The following AFTPH variants were observed in gnomAD, a reference collection of about 807,000 sequenced individuals.
AFTPH encodes aftiphilin protein.
In AFTPH, 7 loss-of-function variants were observed where a neutral mutation model predicts 72.5. The ratio of observed to expected loss-of-function variants is 0.10; its 90% CI spans 0.05 to 0.18. AFTPH has a LOEUF of 0.18. AFTPH is among the 10% of genes least tolerant of loss of function. The pLI, the probability that AFTPH is intolerant of heterozygous loss-of-function variation, is 1.00. For synonymous variants in AFTPH, 337 were observed against 370.1 expected (o/e 0.91, Z 1.03); for missense variants, 979 against 1,060.5 (o/e 0.92, Z 1.07).
chr2:64,550,441 G>C (rs1444397775), intron 1 of AFTPH, among the ~76,000 whole-genome samples: 1 of 152,166 alleles, frequency 6.6e-6, no homozygotes, highest in Non-Finnish European at 1.5e-5. Context: ...ATTAGGCTGA[G>C]GGAAAAAGCC....
chr2:64,543,033 G>C (rs1406182460), intron 1 of AFTPH, among the ~76,000 whole-genome samples: 1 of 152,222 alleles, frequency 6.6e-6, no homozygotes, highest in Non-Finnish European at 1.5e-5. Context: ...GGGAATCACA[G>C]TTTCTCCACA....
At chr2:64,552,585 G>A (rs1671115569) in exon 2 of AFTPH, 3 of 1,614,140 alleles carry the variant, frequency 1.9e-6, no homozygotes, top group African/African-American at 2.7e-5. Context: ...CCTATGCATG[G>A]ATTCTGTTAA....
At chr2:64,554,087 T>A (rs1671215872) in intron 2 of AFTPH, among the ~76,000 whole-genome samples, 1 of 152,216 alleles carries the variant, frequency 6.6e-6, no homozygotes, top group South Asian at 2.1e-4. Flanking sequence ...GTTCACTTAT[T>A]GTAGTTGTAT....
In AFTPH at chr2:64,542,018, C is replaced by T. The variant is rs556190757; in HGVS notation, c.-32-9425C>T. 1.6e-4 allele frequency among the ~76,000 whole-genome samples: 24 copies of T among 152,276 alleles called. No individual in the cohort carries two copies. In the East Asian group the frequency reaches 4.2e-3, roughly 27 times the overall value. Reference sequence around the variant, plus strand: ...TTTCCTTCACCCTCCATCCTGGTCCCTATAAAAATAAGTTTAGAGTGAAGC... The same window carrying T: ...TTTCCTTCACCCTCCATCCTGGTCCTTATAAAAATAAGTTTAGAGTGAAGC... On this transcript the variant is annotated intron_variant, in intron 1 of 8. Coordinates refer to ENST00000238856, the Ensembl canonical transcript of AFTPH.
intron 1 of AFTPH, among the ~76,000 whole-genome samples, chr2:64,536,780 C>A (rs1669914826): frequency 6.6e-6 from 1 of 151,486 alleles, no homozygotes; most frequent in African/African-American, 2.4e-5. Flanking sequence ...TGGCGAAACA[C>A]TGTCTCTACA....
chr2:64,581,097 A>G, intron 7 of AFTPH, 93 bp from the exon 8 acceptor site: 1 of 736,156 alleles, frequency 1.4e-6, no homozygotes. Context: ...CTGCATGTTC[A>G]AGTGTGTGTC....
intron 8 of AFTPH, among the ~76,000 whole-genome samples, chr2:64,591,221 A>G (rs572347051): frequency 6.6e-5 from 10 of 152,172 alleles, no homozygotes; most frequent in East Asian, 1.9e-4. Flanking sequence ...AGCAAAATCT[A>G]CTTCATCTAC....
chr2:64,561,073 G>C (rs532776994), intron 2 of AFTPH, among the ~76,000 whole-genome samples: 1 of 152,324 alleles, frequency 6.6e-6, no homozygotes, highest in Admixed American at 6.5e-5. Flanking sequence ...TGTGTAAGTA[G>C]CATAGCTCCT....
At chr2:64,566,600 C>T (rs1672105448) in intron 2 of AFTPH, among the ~76,000 whole-genome samples, 1 of 151,674 alleles carries the variant, frequency 6.6e-6, no homozygotes, top group Non-Finnish European at 1.5e-5. Flanking sequence ...ATTTGTATTC[C>T]CAGTTGATGT....
intron 1 of AFTPH, among the ~76,000 whole-genome samples, chr2:64,528,200 G>A (rs1487927284): frequency 6.6e-6 from 1 of 152,142 alleles, no homozygotes; most frequent in Non-Finnish European, 1.5e-5. Flanking sequence ...ATTTACTGTA[G>A]GTTCTATTTA....
chr2:64,582,685 T>C (rs566792196), intron 7 of AFTPH, among the ~76,000 whole-genome samples: 13 of 152,378 alleles, frequency 8.5e-5, no homozygotes, highest in Admixed American at 5.2e-4. Context: ...CCAAGAATTA[T>C]TAAGCTCCCA....
chr2:64,555,008 G>T (rs886957726), intron 2 of AFTPH, among the ~76,000 whole-genome samples: 1 of 152,158 alleles, frequency 6.6e-6, no homozygotes, highest in African/African-American at 2.4e-5. Context: ...AGATAATAAA[G>T]CGTATGGGCT....
intron 8 of AFTPH, among the ~76,000 whole-genome samples, chr2:64,587,997 A>G (rs935630667): frequency 1.3e-5 from 2 of 152,120 alleles, no homozygotes; most frequent in Admixed American, 6.5e-5. Flanking sequence ...CAGGTGTTCA[A>G]TTCACTGGTT....
intron 5 of AFTPH, among the ~76,000 whole-genome samples, chr2:64,572,724 G>A (rs1672517437): frequency 6.6e-6 from 1 of 151,960 alleles, no homozygotes; most frequent in South Asian, 2.1e-4. Context: ...TGGGTGTGGT[G>A]GCATCAGCTT....
intron 1 of AFTPH, among the ~76,000 whole-genome samples, chr2:64,550,732 A>ACAC (rs1558605124): frequency 7.5e-5 from 8 of 106,890 alleles, no homozygotes; most frequent in South Asian, 3.0e-4. Flanking sequence ...CACACACACA[A>ACAC]CTGGTGAAAT....
At chr2:64,524,395 C>T (rs919911763) in exon 1 of AFTPH, 4 of 403,714 alleles carry the variant, frequency 9.9e-6, no homozygotes, top group Non-Finnish European at 1.3e-5. Flanking sequence ...GAGGCGGCGG[C>T]GGCGGCGGAA....
intron 1 of AFTPH, 146 bp downstream of exon 1, chr2:64,524,758 G>A (rs1461439654): frequency 2.8e-6 from 1 of 356,724 alleles, no homozygotes; most frequent in African/African-American, 2.1e-5. Flanking sequence ...CTGGCTCTGC[G>A]GGCCTGCGGG....
At chr2:64,531,079 A>AAC (rs1669606846) in intron 1 of AFTPH, among the ~76,000 whole-genome samples, 1 of 150,394 alleles carries the variant, frequency 6.6e-6, no homozygotes, top group Non-Finnish European at 1.5e-5. Flanking sequence ...AAAAAAAAAA[A>AAC]AACACCACAA....
At chr2:64,552,675 A>T in exon 2 of AFTPH, 3 of 1,614,226 alleles carry the variant, frequency 1.9e-6, no homozygotes, top group Middle Eastern at 3.3e-4. Flanking sequence ...CATTGACCCC[A>T]CAGAAGAAAA....
Sources: allele counts gnomAD v4.1 joint callset (sites outside exome capture counted in the v4.1 genomes callset), GRCh38; gene constraint gnomAD v4.1.1; transcripts MANE v1.5; gene names NCBI Gene and HGNC (gene_info 2026-07-23, HGNC 2026-07-21).